Variants in CD226 observed in about 807,000 individuals in gnomAD.
CD226 encodes CD226 molecule.
Under a neutral mutation model 34.9 loss-of-function variants are expected in CD226, and 24 were observed. That is an observed-to-expected ratio of 0.69 (90% CI 0.50 to 0.97). The LOEUF (loss-of-function observed/expected upper bound fraction) is 0.97. Ranked by LOEUF, CD226 falls within the 50% of genes least tolerant of loss-of-function variation. The pLI, the probability that CD226 is intolerant of heterozygous loss-of-function variation, is 0.00. For synonymous variants in CD226, 148 were observed against 147.4 expected, an observed-to-expected ratio of 1.00 and a Z score of -0.03; for missense variants, 397 against 412.7, an observed-to-expected ratio of 0.96 and a Z score of 0.33.
chr18:69,953,778 T>A (rs1008059869), intron 1 of CD226, among the ~76,000 whole-genome samples: 2 of 152,088 alleles, frequency 1.3e-5, no homozygotes, highest in Admixed American at 6.5e-5. Flanking sequence ...GGCAGGTGGA[T>A]TGCTTGAGGT....
At chr18:69,865,588 T>C (rs1280423131) in intron 5 of CD226, among the ~76,000 whole-genome samples, 1 of 152,184 alleles carries the variant, frequency 6.6e-6, no homozygotes, top group Non-Finnish European at 1.5e-5. Flanking sequence ...CAAAATTGTG[T>C]ATGACAGAGC....
At chr18:69,950,366 T>C (rs80309401), upstream of CD226, among the ~76,000 whole-genome samples, 1 of 152,206 alleles carries the variant, frequency 6.6e-6, no homozygotes, top group African/African-American at 2.4e-5. Context: ...AACTTTTTCA[T>C]GCCCCCAGTC....
At chr18:69,891,987 TAC>T (rs1984931150) in intron 3 of CD226, among the ~76,000 whole-genome samples, 1 of 152,194 alleles carries the variant, frequency 6.6e-6, no homozygotes, top group East Asian at 1.9e-4. Context: ...GTCATTTGAC[TAC>T]AGTCTCCCAT....
At chr18:69,940,139 C>G (rs2055705208) in intron 2 of CD226, among the ~76,000 whole-genome samples, 1 of 152,204 alleles carries the variant, frequency 6.6e-6, no homozygotes, top group Non-Finnish European at 1.5e-5. Context: ...ACTCACTCTT[C>G]TTCTCCCTGC....
chr18:69,897,082 A>T (rs1325824005), intron 2 of CD226, among the ~76,000 whole-genome samples: 4 of 152,160 alleles, frequency 2.6e-5, no homozygotes, highest in Non-Finnish European at 2.9e-5. Context: ...AGTGATATTG[A>T]GAGGAAATTC....
chr18:69,924,692 C>CAAAAAAAAAAAA (rs56118102), intron 2 of CD226, among the ~76,000 whole-genome samples: 14 of 57,122 alleles, frequency 2.5e-4, no homozygotes, highest in African/African-American at 5.5e-4. Flanking sequence ...AAGGTATTGC[C>CAAAAAAAAAAAA]AAAAAAAAAA....
rs1982791838 is a variant in CD226, at chr18:69,861,107, TTTAC to T, written c.*3203_*3206del. 1 of 152,212 alleles carries T rather than the reference TTTAC, an allele frequency of 6.6e-6. No homozygotes were observed. Among genetic ancestry groups the T allele is most frequent in the African/African-American group, 2.4e-5 (1 of 41,562 alleles). The allele number at this position is 152,212 out of a possible 1,614,324, so 9.4% of individuals were successfully genotyped here. ...TCCACGAATGCCTACTAAAAGTATT[TTTAC>T]TTACTTTGTCTTTTAAATTGATAAC... On this transcript the variant is annotated 3_prime_UTR_variant, in exon 6 of 6. Transcript: ENST00000582621.
chr18:69,901,878 C>CAA (rs372625212), intron 2 of CD226, among the ~76,000 whole-genome samples: 9 of 109,548 alleles, frequency 8.2e-5, no homozygotes, highest in Non-Finnish European at 1.4e-4. Flanking sequence ...GACTCTGACT[C>CAA]AAAAAAAAAA....
intron 5 of CD226, 70 bp from the exon 6 acceptor site, chr18:69,864,509 C>T: frequency 6.9e-7 from 1 of 1,456,876 alleles, no homozygotes; most frequent in Non-Finnish European, 9.4e-7. Context: ...ACATTCAAAA[C>T]ATACCTCTCA....
Position 69,853,978 on chromosome 18 carries a change from A to G in CD226, c.*10336T>C, listed in dbSNP as rs955206188. The G allele has an allele frequency of 2.0e-5, 3 of 151,770 alleles. No individual in the cohort carries two copies. The highest frequency in any genetic ancestry group is 4.4e-5 in the Non-Finnish European group (3 of 68,054). 9.4% of individuals were successfully genotyped at this position (151,770 alleles called of 1,614,324 possible). ...GAGCAAGTCATATGGAATGGAGTCC[A>G]GCAACAGGAACCCTAGTGCAGTATC... On this transcript the variant is annotated 3_prime_UTR_variant, in exon 6 of 6. Transcript: ENST00000582621.
chr18:69,941,538 C>T (rs1264152489), intron 2 of CD226, among the ~76,000 whole-genome samples: 1 of 152,226 alleles, frequency 6.6e-6, no homozygotes, highest in African/African-American at 2.4e-5. Context: ...GTTTTAATGA[C>T]TGCCCTACAG....
At chr18:69,927,098 G>A (rs1288793493) in intron 2 of CD226, among the ~76,000 whole-genome samples, 2 of 152,142 alleles carry the variant, frequency 1.3e-5, no homozygotes, top group African/African-American at 4.8e-5. Flanking sequence ...ACATCATTAA[G>A]TCTTGAGAAT....
chr18:69,866,190 C>T (rs954799032), intron 5 of CD226, among the ~76,000 whole-genome samples: 1 of 152,140 alleles, frequency 6.6e-6, no homozygotes, highest in Non-Finnish European at 1.5e-5. Flanking sequence ...TAATTACATC[C>T]CAAAGTCTCC....
At chr18:69,935,362 A>C (rs2055639672) in intron 2 of CD226, among the ~76,000 whole-genome samples, 1 of 152,182 alleles carries the variant, frequency 6.6e-6, no homozygotes, top group Non-Finnish European at 1.5e-5. Context: ...AGTGCTGGAG[A>C]ACAATGCCCA....
At chr18:69,931,562 A>G (rs898520305) in intron 2 of CD226, among the ~76,000 whole-genome samples, 2 of 152,186 alleles carry the variant, frequency 1.3e-5, no homozygotes, top group African/African-American at 4.8e-5. Context: ...ACTGCAAAAC[A>G]CAAATTAAGG....
chr18:69,950,083 C>T (rs911712990), upstream of CD226, among the ~76,000 whole-genome samples: 12 of 152,170 alleles, frequency 7.9e-5, no homozygotes, highest in Non-Finnish European at 1.6e-4. Flanking sequence ...CATGCACACA[C>T]GCATGCACTT....
In CD226 at chr18:69,873,226, T is replaced by A. The variant is rs202015188; in HGVS notation, c.748A>T (p.Thr250Ser). ...ACTGTCCCTCCAGCCACAAAGAGGG[T>A]ATATTGGTTATCGGTTTTACCTAGG... ...VAEGKTDNQY[T>S]LFVAGGTVLL... The change falls in exon 4 of 6, where the codon ACC becomes TCC. Residue 250 changes from threonine (T) to serine (S), a missense_variant. Coordinates refer to ENST00000582621, the MANE Select transcript of CD226 (RefSeq NM_001303618.2). The A allele has an allele frequency of 2.6e-5, 41 of 1,601,062 alleles. No individual in the cohort carries two copies. The East Asian group carries it at 8.9e-4, about 35-fold the overall frequency.
intron 3 of CD226, among the ~76,000 whole-genome samples, chr18:69,879,878 A>G (rs1984110116): frequency 6.6e-6 from 1 of 152,218 alleles, no homozygotes; most frequent in African/African-American, 2.4e-5. Flanking sequence ...AGCTGGTAAT[A>G]CAACCAGTTA....
chr18:69,873,347 C>CA, intron 3 of CD226, 101 bp from the exon 4 acceptor site: 1 of 628,004 alleles, frequency 1.6e-6, no homozygotes, highest in South Asian at 2.0e-5. Context: ...TATTGAGTAA[C>CA]AAAAACAAAG....
Sources: allele counts gnomAD v4.1 joint callset (sites outside exome capture counted in the v4.1 genomes callset), GRCh38; gene constraint gnomAD v4.1.1; transcripts MANE v1.5; gene names NCBI Gene and HGNC (gene_info 2026-07-23, HGNC 2026-07-21).